Variants in COL19A1 observed in about 807,000 individuals in gnomAD.
The protein encoded by COL19A1 is collagen alpha-1(XIX) chain.
In COL19A1, 159 loss-of-function variants were observed where a neutral mutation model predicts 190.2. The observed-to-expected ratio is 0.84, with a 90% CI of 0.73 to 0.95. The LOEUF is 0.95. Ranked by LOEUF, COL19A1 falls within the 40% of genes least tolerant of loss-of-function variation. The pLI, the probability that COL19A1 is intolerant of heterozygous loss-of-function variation, is 0.00. For synonymous variants in COL19A1, 509 were observed against 458.9 expected, an observed-to-expected ratio of 1.11 and a Z score of -1.39; for missense variants, 1,418 against 1,431.9, an observed-to-expected ratio of 0.99 and a Z score of 0.16.
chr6:70,180,232 A>G (rs1007559413), intron 42 of COL19A1, 80 bp from the exon 43 acceptor site: 19 of 1,529,878 alleles, frequency 1.2e-5, no homozygotes, highest in Middle Eastern at 1.8e-4. Context: ...TATAAACTCA[A>G]TTGGGGTTGG....
chr6:70,126,530 T>A (rs547018146), intron 17 of COL19A1, among the ~76,000 whole-genome samples: 3 of 152,330 alleles, frequency 2.0e-5, no homozygotes, highest in Non-Finnish European at 2.9e-5. Flanking sequence ...GAGTCTTCCC[T>A]TCCTTTCATG....
At chr6:69,996,130 C>T (rs1482253994) in intron 11 of COL19A1, among the ~76,000 whole-genome samples, 1 of 152,120 alleles carries the variant, frequency 6.6e-6, no homozygotes, top group Non-Finnish European at 1.5e-5. Context: ...ATTTATAATA[C>T]AGTACCTTAC....
At chr6:70,099,547 CA>C (rs10644510) in intron 15 of COL19A1, among the ~76,000 whole-genome samples, 37 of 149,238 alleles carry the variant, frequency 2.5e-4, no homozygotes, top group East Asian at 9.8e-4. Flanking sequence ...TATTCCAAAA[CA>C]AAAAAAAAAT....
At chr6:70,124,526 G>A (rs1473588049) in intron 17 of COL19A1, among the ~76,000 whole-genome samples, 15 of 148,026 alleles carry the variant, frequency 1.0e-4, no homozygotes, top group Non-Finnish European at 1.9e-4. Flanking sequence ...AGTTGAGAAT[G>A]TAAATTTTTA....
intron 4 of COL19A1, among the ~76,000 whole-genome samples, chr6:69,918,807 C>T (rs901699505): frequency 1.3e-5 from 2 of 152,146 alleles, no homozygotes; most frequent in Non-Finnish European, 2.9e-5. Context: ...AAAATAATAA[C>T]TTGCAGGGAT....
At chr6:70,147,654 G>T (rs751514583) in intron 27 of COL19A1, among the ~76,000 whole-genome samples, 8 of 152,032 alleles carry the variant, frequency 5.3e-5, no homozygotes, top group African/African-American at 1.9e-4. Context: ...GCTGTGTGGG[G>T]TTTTTTTTCC....
chr6:70,155,950 T>G (rs2150251948), intron 31 of COL19A1, among the ~76,000 whole-genome samples, 177 bp from the exon 32 acceptor site: 1 of 152,250 alleles, frequency 6.6e-6, no homozygotes, highest in African/African-American at 2.4e-5. Flanking sequence ...TGTAAACAGT[T>G]TTTGCCTCAC....
rs561698527 is a variant in COL19A1 at position 70,091,364 on chromosome 6, A to G, written c.1225-10805A>G. 5.3e-5 allele frequency among the ~76,000 whole-genome samples: 8 copies of G among 152,294 alleles called. No homozygotes were observed. In the East Asian group the frequency reaches 1.5e-3, roughly 29 times the overall value. Reference sequence around the variant, plus strand: ...ATGATATTTGGCATCTATTACTATTATTGTCCCCACTGGTATATAAGCTCT... The same window carrying G: ...ATGATATTTGGCATCTATTACTATTGTTGTCCCCACTGGTATATAAGCTCT... On this transcript the variant is annotated intron_variant, in intron 15 of 50. Transcript: ENST00000620364.
At chr6:70,016,472 C>A (rs1305187536) in intron 11 of COL19A1, among the ~76,000 whole-genome samples, 1 of 139,940 alleles carries the variant, frequency 7.1e-6, no homozygotes, top group Non-Finnish European at 1.5e-5. Context: ...TGGCTGTTTG[C>A]ATGTGTCAAA....
At chr6:69,936,982 C>G (rs1457102361) in intron 8 of COL19A1, 72 bp downstream of exon 8, 1 of 1,560,788 alleles carries the variant, frequency 6.4e-7, no homozygotes, top group East Asian at 2.3e-5. Context: ...AATGTGGCCT[C>G]TGTTCACAGA....
At chr6:70,064,872 A>G (rs1307880147) in intron 14 of COL19A1, among the ~76,000 whole-genome samples, 2 of 152,336 alleles carry the variant, frequency 1.3e-5, no homozygotes, top group East Asian at 3.9e-4. Context: ...TTCAAACAGA[A>G]TAAAATACCT....
intron 4 of COL19A1, among the ~76,000 whole-genome samples, chr6:69,922,027 G>C (rs548579433): frequency 1.3e-5 from 2 of 151,934 alleles, no homozygotes; most frequent in Non-Finnish European, 2.9e-5. Context: ...AACCCAATAT[G>C]GCCTCTTTTA....
chr6:70,172,669 G>A (rs1765567480), intron 41 of COL19A1, among the ~76,000 whole-genome samples: 1 of 152,172 alleles, frequency 6.6e-6, no homozygotes. Flanking sequence ...TGTGATGGTA[G>A]AATTATCTTT....
intron 48 of COL19A1, among the ~76,000 whole-genome samples, chr6:70,196,825 T>C (rs922851458): frequency 8.5e-5 from 13 of 152,142 alleles, no homozygotes; most frequent in African/African-American, 2.9e-4. Flanking sequence ...GGAAAAGCAA[T>C]TAAGAATAAA....
chr6:69,888,777 CAAAAAAA>C (rs35211332), intron 2 of COL19A1, among the ~76,000 whole-genome samples: 1 of 126,184 alleles, frequency 7.9e-6, no homozygotes, highest in Non-Finnish European at 1.7e-5. Context: ...GACTCTAGCT[CAAAAAAA>C]AAAAAAAAAA....
intron 16 of COL19A1, 120 bp downstream of exon 16, chr6:70,102,342 G>A: frequency 1.3e-6 from 1 of 772,674 alleles, no homozygotes; most frequent in African/African-American, 1.7e-5. Context: ...TGTTTAGAAT[G>A]ACTGGTTTCA....
intron 14 of COL19A1, among the ~76,000 whole-genome samples, chr6:70,042,846 T>G (rs11964530): frequency 1.0e-3 from 158 of 152,332 alleles, no homozygotes; most frequent in African/African-American, 3.5e-3. Flanking sequence ...GAAAAACATT[T>G]TCTTTGTTCA....
At chr6:70,124,696 A>C (rs1785089800) in intron 17 of COL19A1, among the ~76,000 whole-genome samples, 1 of 152,220 alleles carries the variant, frequency 6.6e-6, no homozygotes, top group Non-Finnish European at 1.5e-5. Context: ...ATAGAGGCTC[A>C]CAGGTATTTA....
chr6:70,063,279 G>A (rs1245276506), intron 14 of COL19A1, among the ~76,000 whole-genome samples: 13 of 152,166 alleles, frequency 8.5e-5, no homozygotes, highest in Middle Eastern at 3.4e-3. Context: ...ACAACAAACT[G>A]TCTCTCAGAC....
Sources: gnomAD v4.1 joint callset for allele counts (sites outside exome capture counted in the v4.1 genomes callset) on GRCh38, gnomAD v4.1.1 for gene constraint, MANE v1.5 for transcripts, NCBI Gene and HGNC (gene_info 2026-07-23, HGNC 2026-07-21) for gene names.